The following ADAMTS2 variants were observed in gnomAD, a reference collection of about 807,000 sequenced individuals.
ADAMTS2 encodes the protein A disintegrin and metalloproteinase with thrombospondin motifs 2.
In ADAMTS2, 50 loss-of-function variants were observed where a neutral mutation model predicts 123.0. That is an observed-to-expected ratio of 0.41 (90% CI 0.32 to 0.51). The LOEUF is 0.51. Among genes scored for constraint, ADAMTS2 ranks in the 20% least tolerant of loss-of-function variants. The probability of loss-of-function intolerance (pLI) is 0.35; values close to 1 mark genes in which losing one functional copy is unlikely to be tolerated. For missense variants in ADAMTS2, 1,494 were observed against 1,705.2 expected (o/e 0.88, Z 2.18); for synonymous variants, 678 against 695.4 (o/e 0.98, Z 0.39).
intron 11 of ADAMTS2, among the ~76,000 whole-genome samples, chr5:179,138,445 G>A (rs1212871759): frequency 6.6e-6 from 1 of 152,226 alleles, no homozygotes; most frequent in African/African-American, 2.4e-5. Context: ...AAGTGTCTTG[G>A]CACAAAGCAG....
At chr5:179,261,688 TG>T (rs1402596321) in intron 3 of ADAMTS2, among the ~76,000 whole-genome samples, 1 of 152,270 alleles carries the variant, frequency 6.6e-6, no homozygotes, top group East Asian at 1.9e-4. Context: ...TGCGGCCCCT[TG>T]GGGTGGACAG....
At chr5:179,240,025 C>T (rs142631463) in intron 3 of ADAMTS2, among the ~76,000 whole-genome samples, 3 of 152,174 alleles carry the variant, frequency 2.0e-5, no homozygotes, top group Non-Finnish European at 4.4e-5. Flanking sequence ...GGAGAGGAAT[C>T]GAAGATGGCG....
rs1766270043 is a variant in ADAMTS2 at position 179,262,868 on chromosome 5, T to C, written c.688+10043A>G. ...CCAGCACCCAGTCCTGTCAGACACA[T>C]GGTGGACACATAGCAAGAACGTGAC... On this transcript the variant is annotated intron_variant, in intron 3 of 21. Transcript: ENST00000251582. The surrounding 1 kb of genome is among the most constrained non-coding windows in gnomAD (Gnocchi z 5.9). 6.6e-6 allele frequency among the ~76,000 whole-genome samples: 1 copy of C among 152,250 alleles called. No individual in the cohort carries two copies. Among genetic ancestry groups the C allele is most frequent in the African/African-American group, 2.4e-5 (1 of 41,466 alleles).
At chr5:179,212,115 A>G (rs1764866896) in intron 3 of ADAMTS2, among the ~76,000 whole-genome samples, 1 of 152,270 alleles carries the variant, frequency 6.6e-6, no homozygotes, top group South Asian at 2.1e-4. Context: ...AAGTATGATT[A>G]GACTAGAGAA....
At chr5:179,211,904 A>C (rs1764859260) in intron 3 of ADAMTS2, among the ~76,000 whole-genome samples, 1 of 152,178 alleles carries the variant, frequency 6.6e-6, no homozygotes, top group Non-Finnish European at 1.5e-5. Context: ...GCGTGTCACC[A>C]TCAGCATATC....
chr5:179,289,437 G>C (rs1756124169), intron 2 of ADAMTS2, among the ~76,000 whole-genome samples: 1 of 152,182 alleles, frequency 6.6e-6, no homozygotes, highest in East Asian at 1.9e-4. Context: ...AGAAAATCAT[G>C]GTAGTAAACC....
chr5:179,198,725 T>C (rs1324877183), intron 4 of ADAMTS2, among the ~76,000 whole-genome samples: 1 of 151,882 alleles, frequency 6.6e-6, no homozygotes, highest in Non-Finnish European at 1.5e-5. Flanking sequence ...TCCCAGGTAC[T>C]TGGGAGGCTG....
In ADAMTS2 at chr5:179,245,634, C is replaced by T. The variant is rs547262599; in HGVS notation, c.688+27277G>A. Among the ~76,000 whole-genome samples the T allele has an allele frequency of 8.7e-5, 13 of 149,764 alleles. No homozygotes were observed. The South Asian group carries it at 1.7e-3, about 20-fold the overall frequency. ...ACAAAAAATTAGCCGGGCGTGGTAG[C>T]GGGCGCCTGTAGTCCCAGCTACTCG... On this transcript the variant is annotated intron_variant, in intron 3 of 21. Transcript: ENST00000251582.
Position 179,152,355 on chromosome 5 carries a change from G to A in ADAMTS2, c.1516-100C>T, listed in dbSNP as rs1014999736. On this transcript the variant is annotated intron_variant, in intron 9 of 21. Transcript: ENST00000251582. ...TTCTGGAACCTGAGATGCCCCAGTGGGACTGGCCCATGATGGGCCCGTGAG... is the reference window on the plus strand; with the variant it reads ...TTCTGGAACCTGAGATGCCCCAGTGAGACTGGCCCATGATGGGCCCGTGAG... The A allele has an allele frequency of 5.5e-5, 63 of 1,143,886 alleles. 2 individuals carry two copies. In the South Asian group the frequency reaches 7.9e-4, roughly 14 times the overall value. 70.9% of individuals were successfully genotyped at this position (1,143,886 alleles called of 1,614,324 possible). A position where few individuals can be genotyped will look rare whatever the true frequency, so the allele number is the denominator to read the frequency against.
At chr5:179,209,786 C>T (rs984461930) in intron 3 of ADAMTS2, among the ~76,000 whole-genome samples, 2 of 152,168 alleles carry the variant, frequency 1.3e-5, no homozygotes, top group African/African-American at 2.4e-5. Context: ...GTTGAGGAAT[C>T]GCCACTCTAT....
At position 179,307,559 on chromosome 5, in the gene ADAMTS2, C is replaced by A. The variant is rs575541181; in HGVS notation, c.535-34495G>T. Among the ~76,000 whole-genome samples the A allele has an allele frequency of 6.6e-6, 1 of 152,312 alleles. No individual in the cohort carries two copies. The highest frequency in any genetic ancestry group is 6.5e-5 in the Admixed American group (1 of 15,298). ...CATTCTCTATGCTCCTCACGGCTGCCCCACAGAATCTCTGAAACACGACTC... is the reference window on the plus strand; with the variant it reads ...CATTCTCTATGCTCCTCACGGCTGCACCACAGAATCTCTGAAACACGACTC... On this transcript the variant is annotated intron_variant, in intron 2 of 21. Coordinates refer to ENST00000251582, the MANE Select transcript of ADAMTS2 (RefSeq NM_014244.5). The surrounding 1 kb of genome is among the most constrained non-coding windows in gnomAD (Gnocchi z 5.6).
intron 2 of ADAMTS2, among the ~76,000 whole-genome samples, chr5:179,326,563 G>A (rs1021783202): frequency 7.0e-6 from 1 of 142,778 alleles, no homozygotes. Flanking sequence ...ACCTGGCTCC[G>A]TGTGTCCAAG....
At chr5:179,153,148 C>T (rs150925656) in intron 9 of ADAMTS2, among the ~76,000 whole-genome samples, 5 of 152,310 alleles carry the variant, frequency 3.3e-5, no homozygotes, top group Admixed American at 6.5e-5. Context: ...CCGTGGCCCT[C>T]CCTTCCTGAA....
intron 5 of ADAMTS2, among the ~76,000 whole-genome samples, chr5:179,172,812 C>T (rs1032061739): frequency 4.6e-5 from 7 of 151,994 alleles, no homozygotes; most frequent in Non-Finnish European, 8.8e-5. Context: ...TTCAGTCAAA[C>T]GGCATCATTT....
intron 5 of ADAMTS2, among the ~76,000 whole-genome samples, chr5:179,169,505 G>A (rs1005267044): frequency 1.3e-5 from 2 of 152,246 alleles, no homozygotes; most frequent in African/African-American, 2.4e-5. Flanking sequence ...GGTGGATGGA[G>A]GATGATGTGG....
chr5:179,188,065 C>T lies in ADAMTS2; in HGVS notation c.892-6910G>A, dbSNP rs1248849257. Among the ~76,000 whole-genome samples, 1 of 152,098 alleles carries T rather than the reference C, an allele frequency of 6.6e-6. No homozygotes were observed. The highest frequency in any genetic ancestry group is 1.5e-5 in the Non-Finnish European group (1 of 68,006). On this transcript the variant is annotated intron_variant, in intron 4 of 21. Coordinates refer to ENST00000251582, the MANE Select transcript of ADAMTS2 (RefSeq NM_014244.5). This position sits in a 1 kb window ranked among gnomAD's most constrained non-coding sequence, Gnocchi z 5.1. ...GCAGAAAGGGGGGAACCGGTGCAGG[C>T]TCCCTACTGGGGAGGCCTACTGGCC...
intron 3 of ADAMTS2, among the ~76,000 whole-genome samples, chr5:179,268,633 C>T (rs955164372): frequency 3.9e-5 from 6 of 152,218 alleles, no homozygotes; most frequent in South Asian, 4.1e-4. Context: ...GGTCCCTTAA[C>T]GCGGGCGGTG....
intron 19 of ADAMTS2, among the ~76,000 whole-genome samples, chr5:179,124,604 G>A (rs1022799170): frequency 6.6e-6 from 1 of 152,216 alleles, no homozygotes. Context: ...GTACAGCACT[G>A]ACCACGTGGC....
chr5:179,191,361 C>T (rs1450971837), intron 4 of ADAMTS2, among the ~76,000 whole-genome samples: 2 of 152,182 alleles, frequency 1.3e-5, no homozygotes. Context: ...AGGGCTCGTG[C>T]CACCCCCGGC....
Sources: gnomAD v4.1 joint callset for allele counts (sites outside exome capture counted in the v4.1 genomes callset) on GRCh38, gnomAD v4.1.1 for gene constraint, Gnocchi (gnomAD v3.1) non-coding constraint, MANE v1.5 for transcripts, NCBI Gene and HGNC (gene_info 2026-07-23, HGNC 2026-07-21) for gene names.